Variants in ZNF474 observed in about 807,000 individuals in gnomAD.
ZNF474 encodes the protein zinc finger protein 474.
For synonymous variants in ZNF474, 192 were observed against 162.2 expected, an observed-to-expected ratio of 1.18 and a Z score of -1.39; for missense variants, 511 against 433.8, an observed-to-expected ratio of 1.18 and a Z score of -1.58.
intron 1 of ZNF474, among the ~76,000 whole-genome samples, chr5:122,142,878 C>T (rs777085306): frequency 4.6e-5 from 7 of 152,120 alleles, no homozygotes; most frequent in Non-Finnish European, 8.8e-5. Context: ...CTGCCAGGAA[C>T]GTCATGGCGA....
intron 1 of ZNF474, among the ~76,000 whole-genome samples, chr5:122,131,063 C>T (rs1008830871): frequency 3.3e-5 from 5 of 152,042 alleles, no homozygotes. Flanking sequence ...AGATGCTCAC[C>T]ATCACTAATC....
At chr5:122,135,416 G>T (rs776546709) in intron 1 of ZNF474, among the ~76,000 whole-genome samples, 10 of 152,140 alleles carry the variant, frequency 6.6e-5, no homozygotes, top group Non-Finnish European at 1.3e-4. Context: ...AATCATCAAA[G>T]AAATGCAAAT....
chr5:122,144,713 C>T (rs1237656802), intron 1 of ZNF474, among the ~76,000 whole-genome samples: 2 of 152,176 alleles, frequency 1.3e-5, no homozygotes, highest in East Asian at 1.9e-4. Flanking sequence ...GAAAATATGG[C>T]ATGTGAAATT....
chr5:122,148,281 C>T (rs979583596), intron 1 of ZNF474, among the ~76,000 whole-genome samples: 1 of 152,204 alleles, frequency 6.6e-6, no homozygotes, highest in Admixed American at 6.5e-5. Flanking sequence ...CCAGCTACCT[C>T]ATCTTTCATA....
Position 122,152,225 on chromosome 5 carries a change from GA to G in ZNF474, c.238del (p.Ser80AlafsTer7). The G allele has an allele frequency of 6.2e-7, 1 of 1,614,152 alleles. No individual in the cohort carries two copies. The highest frequency in any genetic ancestry group is 8.5e-7 in the Non-Finnish European group (1 of 1,180,046). Reference protein sequence around the residue: ...SKLSSRRIISESQLSPPVIPA... With the variant: ...SKLSSRRIISXSQLSPPVIPA... ...ACTGTCAAGTAGAAGAATTATATCG[GA>G]AAGCCAGCTTAGCCCCCCTGTGATC... On this transcript the variant is annotated frameshift_variant, in exon 2 of 2. Coordinates refer to ENST00000296600, the MANE Select transcript of ZNF474 (RefSeq NM_207317.3). LOFTEE classifies it low-confidence loss of function (END_TRUNC).
At position 122,152,564 on chromosome 5, in the gene ZNF474, G is replaced by C; in HGVS notation, c.574G>C (p.Glu192Gln). Residue 192 changes from glutamate to glutamine, a missense_variant, in exon 2 of 2, where the codon GAG becomes CAG. Coordinates refer to ENST00000296600, the MANE Select transcript of ZNF474 (RefSeq NM_207317.3). ...TCACAGAAGCTGCAAGCCAAAGGGTGAGGGTCCCAGAGCACCACACTCAAA... is the reference window on the plus strand; with the variant it reads ...TCACAGAAGCTGCAAGCCAAAGGGTCAGGGTCCCAGAGCACCACACTCAAA... ...VHHRSCKPKGEGPRAPHSNSS... is the reference protein window; with the variant it reads ...VHHRSCKPKGQGPRAPHSNSS... 2 of 1,614,198 alleles carry C rather than the reference G, an allele frequency of 1.2e-6. No homozygotes were observed. The highest frequency in any genetic ancestry group is 1.7e-6 in the Non-Finnish European group (2 of 1,180,040).
rs563576274 is a variant in ZNF474 at position 122,141,410 on chromosome 5, G to C, written c.-212-10369G>C. Among the ~76,000 whole-genome samples, 11 of 148,308 alleles carry C rather than the reference G, an allele frequency of 7.4e-5. No homozygotes were observed. In the South Asian group the frequency reaches 2.4e-3, roughly 32 times the overall value. ...TGCAACCTCTGTCTCCCAGGTTTAA[G>C]TGATTCTTCTGCCTCAGTCTCCCAA... On this transcript the variant is annotated intron_variant, in intron 1 of 1. Coordinates refer to ENST00000296600, the MANE Select transcript of ZNF474 (RefSeq NM_207317.3).
rs1016630933 is a variant in ZNF474 at position 122,153,150 on chromosome 5, C to T, written c.*65C>T. 5 of 1,536,342 alleles carry T rather than the reference C, an allele frequency of 3.3e-6. No homozygotes were observed. The highest frequency in any genetic ancestry group is 2.6e-6 in the Non-Finnish European group (3 of 1,144,688). ...GCCCCTAGTATTTTTTCTATCAATG[C>T]CTTGTATCAGCCTCAAAGCAGCCTG... is the stretch of plus-strand genomic sequence containing the variant. On this transcript the variant is annotated 3_prime_UTR_variant, in exon 2 of 2. Transcript: ENST00000296600.
intron 1 of ZNF474, among the ~76,000 whole-genome samples, chr5:122,149,255 T>C (rs1372373922): frequency 1.3e-5 from 2 of 152,172 alleles, no homozygotes; most frequent in African/African-American, 2.4e-5. Context: ...TATGCCCATA[T>C]ACCAAACCTG....
chr5:122,153,451 T>G lies in ZNF474; in HGVS notation c.*366T>G. The stretch of plus-strand genomic sequence containing the variant: ...GTCGGTTTATTTTAGTCATCTACCT[T>G]AGGAATTCATTTTTGGCAATGCTGG... On this transcript the variant is annotated 3_prime_UTR_variant, in exon 2 of 2. Transcript: ENST00000296600. 1 of 205,886 alleles carries G rather than the reference T, an allele frequency of 4.9e-6. No homozygotes were observed. 12.8% of individuals were successfully genotyped at this position (205,886 alleles called of 1,614,324 possible). A position where few individuals can be genotyped will look rare whatever the true frequency, so the allele number is the denominator to read the frequency against.
chr5:122,129,567 C>T lies in ZNF474; in HGVS notation c.-329C>T, dbSNP rs145145223. On this transcript the variant is annotated 5_prime_UTR_variant, in exon 1 of 2. Coordinates refer to ENST00000296600, the MANE Select transcript of ZNF474 (RefSeq NM_207317.3). ...CAGCAGCCTCAAAAACTCACACCAG[C>T]TCCTGCAAGGAATGTGAATCTTGGA... 8 of 152,310 alleles carry T rather than the reference C, an allele frequency of 5.3e-5. No homozygotes were observed. Among genetic ancestry groups the T allele is most frequent in the African/African-American group, 1.7e-4 (7 of 41,582 alleles). 9.4% of individuals were successfully genotyped at this position (152,310 alleles called of 1,614,324 possible).
At chr5:122,133,352 T>A (rs1462266811) in intron 1 of ZNF474, among the ~76,000 whole-genome samples, 3 of 152,152 alleles carry the variant, frequency 2.0e-5, no homozygotes, top group Non-Finnish European at 4.4e-5. Flanking sequence ...CAGAGAAAAA[T>A]CTATACCTGG....
In ZNF474 at chr5:122,153,387, A is replaced by G; in HGVS notation, c.*302A>G. On this transcript the variant is annotated 3_prime_UTR_variant, in exon 2 of 2. Coordinates refer to ENST00000296600, the MANE Select transcript of ZNF474 (RefSeq NM_207317.3). ...GAGTCATTAATGCTGTGTCTACATT[A>G]CAGAGATATAATTCCCATTCCAACA... 1 of 314,712 alleles carries G rather than the reference A, an allele frequency of 3.2e-6. No homozygotes were observed. Among genetic ancestry groups the G allele is most frequent in the Non-Finnish European group, 6.1e-6 (1 of 162,720 alleles). The allele number at this position is 314,712 out of a possible 1,614,324, so 19.5% of individuals were successfully genotyped here. A position where few individuals can be genotyped will look rare whatever the true frequency, so the allele number is the denominator to read the frequency against.
chr5:122,144,419 C>T (rs192088821), intron 1 of ZNF474, among the ~76,000 whole-genome samples: 30 of 152,318 alleles, frequency 2.0e-4, no homozygotes, highest in Admixed American at 4.6e-4. Context: ...GCTACAGGCA[C>T]AGCTGTTACT....
chr5:122,152,234 C>A lies in ZNF474; in HGVS notation c.244C>A (p.Leu82Ile), dbSNP rs1430930061. The A allele has an allele frequency of 1.2e-6, 2 of 1,614,094 alleles. No homozygotes were observed. The highest frequency in any genetic ancestry group is 1.3e-5 in the African/African-American group (1 of 74,948). Reference protein sequence around the residue: ...SSRRIISESQLSPPVIPARRP... With the variant: ...SSRRIISESQISPPVIPARRP... The stretch of plus-strand genomic sequence containing the variant: ...TAGAAGAATTATATCGGAAAGCCAG[C>A]TTAGCCCCCCTGTGATCCCGGCCCG... The change falls in exon 2 of 2, where the codon CTT becomes ATT. Residue 82 changes from leucine to isoleucine, a missense_variant. Leu to Ile is a conservative substitution (Grantham distance 5). Transcript: ENST00000296600.
chr5:122,151,994 G>T lies in ZNF474; in HGVS notation c.4G>T (p.Glu2Ter). ...CTACAGAAAGACATCTTTGTTAATG[G>T]AAAGAGGAAAGAAGAAAAGAATTTC... M[E>*]RGKKKRISNK... Residue 2 changes from glutamate to a stop codon, truncating the protein, a stop_gained, in exon 2 of 2, where the codon GAA (glutamate) becomes TAA (stop). Coordinates refer to ENST00000296600, the MANE Select transcript of ZNF474 (RefSeq NM_207317.3). LOFTEE classifies it low-confidence loss of function (END_TRUNC). The T allele has an allele frequency of 6.2e-7, 1 of 1,607,248 alleles. No homozygotes were observed. The highest frequency in any genetic ancestry group is 8.5e-7 in the Non-Finnish European group (1 of 1,178,364).
Position 122,153,035 on chromosome 5 carries a change from C to A in ZNF474, c.1045C>A (p.His349Asn). ...ACCCAGTGTAACTGATAAGGTAATT[C>A]ATGCCACACAAGACGCATTAGGTGA... ...AAPSVTDKVIHATQDALGEPG... is the reference protein window; with the variant it reads ...AAPSVTDKVINATQDALGEPG... The change falls in exon 2 of 2, where the codon CAT (histidine) becomes AAT (asparagine). Residue 349 changes from histidine (H) to asparagine (N), a missense_variant. Transcript: ENST00000296600. 1.9e-6 allele frequency: 3 copies of A among 1,614,106 alleles called. No homozygotes were observed. In the Middle Eastern group the frequency reaches 4.9e-4, roughly 266 times the overall value.
chr5:122,152,635 C>A lies in ZNF474; in HGVS notation c.645C>A (p.Thr215=). Residue 215 remains threonine, a synonymous_variant, in exon 2 of 2, where the codon ACC becomes ACA. Coordinates refer to ENST00000296600, the MANE Select transcript of ZNF474 (RefSeq NM_207317.3). ...GCCTCAAGAAAGCTTGTAGTGGAAC[C>A]CCAGCCCGACCAAGGACTGTTATCT... ...LTGLKKACSG[T]PARPRTVICY... is the part of the protein sequence containing the mutation. 6.2e-7 allele frequency: 1 copy of A among 1,614,156 alleles called. No homozygotes were observed. Among genetic ancestry groups the A allele is most frequent in the Admixed American group, 1.7e-5 (1 of 60,020 alleles).
intron 1 of ZNF474, among the ~76,000 whole-genome samples, chr5:122,136,823 C>G (rs1755713787): frequency 6.6e-6 from 1 of 152,020 alleles, no homozygotes; most frequent in African/African-American, 2.4e-5. Context: ...AAATAATGAA[C>G]TTCAGTTTTG....
Sources: allele counts gnomAD v4.1 joint callset (sites outside exome capture counted in the v4.1 genomes callset), GRCh38; gene constraint gnomAD v4.1.1; transcripts MANE v1.5; gene names NCBI Gene and HGNC (gene_info 2026-07-23, HGNC 2026-07-21).